NSD3: variants seen among roughly 807,000 people sequenced by gnomAD.
NSD3 encodes the protein nuclear receptor binding SET domain protein 3.
Under a neutral mutation model 160.8 loss-of-function variants are expected in NSD3, and 24 were observed. That is an observed-to-expected ratio of 0.15 (90% CI 0.11 to 0.21). The LOEUF is 0.21. NSD3 is among the 10% of genes least tolerant of loss of function. The pLI, the probability that NSD3 is intolerant of heterozygous loss-of-function variation, is 1.00. For synonymous variants in NSD3, 520 were observed against 600.0 expected, an observed-to-expected ratio of 0.87 and a Z score of 1.95; for missense variants, 1,157 against 1,735.9, an observed-to-expected ratio of 0.67 and a Z score of 5.93.
Position 38,281,453 on chromosome 8 carries a change from A to AG in NSD3, c.3618+13_3618+14insC. The AG allele has an allele frequency of 7.2e-7, 1 of 1,382,836 alleles. No individual in the cohort carries two copies. Among genetic ancestry groups the AG allele is most frequent in the Non-Finnish European group, 9.6e-7 (1 of 1,039,736 alleles). The allele number at this position is 1,382,836 out of a possible 1,614,324, so 85.7% of individuals were successfully genotyped here. On this transcript the variant is annotated intron_variant, in intron 20 of 23. Coordinates refer to ENST00000317025, the MANE Select transcript of NSD3 (RefSeq NM_023034.2). ...CAAATCCCTTTTTCTTACAAAAAAA[A>AG]AAAGCAATTTTACCTTGGTAACAGT...
At chr8:38,323,326 G>A (rs1809835686) in intron 7 of NSD3, among the ~76,000 whole-genome samples, 1 of 152,062 alleles carries the variant, frequency 6.6e-6, no homozygotes, top group African/African-American at 2.4e-5. Flanking sequence ...AAACTGCTGG[G>A]ATTACAGGTG....
intron 1 of NSD3, among the ~76,000 whole-genome samples, chr8:38,356,940 G>A (rs1410530439): frequency 1.3e-5 from 2 of 151,292 alleles, no homozygotes; most frequent in Non-Finnish European, 2.9e-5. Context: ...CTAATATGGC[G>A]AAACCCCGTC....
Position 38,329,966 on chromosome 8 carries a change from T to C in NSD3, c.1066-73A>G. ...CATTAAAATTGATATGTATTTCCCA[T>C]GTGATCCTGTTATCTTTTCAGGTCT... On this transcript the variant is annotated intron_variant, in intron 5 of 23. Coordinates refer to ENST00000317025, the MANE Select transcript of NSD3 (RefSeq NM_023034.2). This position sits in a 1 kb window ranked among gnomAD's most constrained non-coding sequence, Gnocchi z 4.8. 19 of 1,481,528 alleles carry C rather than the reference T, an allele frequency of 1.3e-5. No homozygotes were observed. The highest frequency in any genetic ancestry group is 1.6e-5 in the Non-Finnish European group (18 of 1,117,192). 91.8% of individuals were successfully genotyped at this position (1,481,528 alleles called of 1,614,324 possible).
At chr8:38,340,489 CA>C in intron 2 of NSD3, among the ~76,000 whole-genome samples, 1 of 152,222 alleles carries the variant, frequency 6.6e-6, no homozygotes, top group South Asian at 2.1e-4. Context: ...AGGCCCGCAC[CA>C]CCACACCCAG....
intron 14 of NSD3, among the ~76,000 whole-genome samples, chr8:38,301,153 T>C (rs1809266938): frequency 6.6e-6 from 1 of 152,102 alleles, no homozygotes; most frequent in Non-Finnish European, 1.5e-5. Context: ...GATTTTTTTG[T>C]AGAAACGAGG....
chr8:38,315,626 A>G (rs1213079976), intron 10 of NSD3, 82 bp from the exon 11 acceptor site: 4 of 1,555,004 alleles, frequency 2.6e-6, no homozygotes, highest in East Asian at 4.5e-5. Flanking sequence ...TCCTAGTAAG[A>G]CTTGCTCAAA....
intron 15 of NSD3, among the ~76,000 whole-genome samples, chr8:38,296,370 G>T (rs1809138886): frequency 6.6e-6 from 1 of 152,166 alleles, no homozygotes; most frequent in Non-Finnish European, 1.5e-5. Context: ...AGTCATCGTT[G>T]TATTTTAATC....
At chr8:38,276,534 T>C in intron 22 of NSD3, 34 bp from the exon 23 acceptor site, 1 of 1,610,560 alleles carries the variant, frequency 6.2e-7, no homozygotes, top group Non-Finnish European at 8.5e-7. Context: ...GTTTCAAACA[T>C]CACAGACAGT....
Position 38,317,924 on chromosome 8 carries a change from T to C in NSD3, c.1855+971A>G. On this transcript the variant is annotated intron_variant, in intron 9 of 23. Coordinates refer to ENST00000317025, the MANE Select transcript of NSD3 (RefSeq NM_023034.2). The surrounding 1 kb of genome is among the most constrained non-coding windows in gnomAD (Gnocchi z 5.3). ...AAATCTTGCATGGAGACTACAAGTC[T>C]GGAGTTTCTGGGATGAAATTGTACA... 4.3e-6 allele frequency: 7 copies of C among 1,614,092 alleles called. No homozygotes were observed. Among genetic ancestry groups the C allele is most frequent in the Non-Finnish European group, 5.1e-6 (6 of 1,179,994 alleles).
intron 2 of NSD3, among the ~76,000 whole-genome samples, chr8:38,344,686 A>G (rs1585907338): frequency 1.3e-5 from 2 of 152,262 alleles, no homozygotes; most frequent in South Asian, 2.1e-4. Context: ...GAAAAAATCT[A>G]TATAAAAGCA....
In NSD3 at chr8:38,322,433, C is replaced by G. The variant is rs187434784; in HGVS notation, c.1709-1261G>C. Among the ~76,000 whole-genome samples, 149 of 152,176 alleles carry G rather than the reference C, an allele frequency of 9.8e-4. 1 individual carries two copies. The highest frequency in any genetic ancestry group is 3.4e-3 in the Middle Eastern group (1 of 294). On this transcript the variant is annotated intron_variant, in intron 7 of 23. Coordinates refer to ENST00000317025, the MANE Select transcript of NSD3 (RefSeq NM_023034.2). ...ACCCTCCCAGACCAACCTGAGGATCCGAGATCCATACTTTAGTATTAAAGT... is the reference window on the plus strand; with the variant it reads ...ACCCTCCCAGACCAACCTGAGGATCGGAGATCCATACTTTAGTATTAAAGT...
At chr8:38,296,656 T>TTC (rs377428661) in intron 15 of NSD3, among the ~76,000 whole-genome samples, 3 of 142,436 alleles carry the variant, frequency 2.1e-5, no homozygotes, top group South Asian at 4.7e-4. Flanking sequence ...AAACCTCTCT[T>TTC]TCTCTCTCTC....
At chr8:38,326,934 C>T (rs1475392745) in intron 6 of NSD3, 78 bp from the exon 7 acceptor site, 23 of 1,487,912 alleles carry the variant, frequency 1.5e-5, no homozygotes, top group Non-Finnish European at 2.1e-5. Context: ...ATAAAGATGG[C>T]TTAAAATGAT....
In NSD3 at chr8:38,273,046, T is replaced by C. The variant is rs1808521953; in HGVS notation, c.*2595A>G. ...TCAGAACTATGGTTACCTTTTTTTT[T>C]TGAGATGGAGTCTCGCTCTGTCACC... On this transcript the variant is annotated 3_prime_UTR_variant, in exon 24 of 24. Coordinates refer to ENST00000317025, the MANE Select transcript of NSD3 (RefSeq NM_023034.2). The C allele has an allele frequency of 6.6e-6, 1 of 152,336 alleles. No homozygotes were observed. Among genetic ancestry groups the C allele is most frequent in the African/African-American group, 2.4e-5 (1 of 41,440 alleles). 9.4% of individuals were successfully genotyped at this position (152,336 alleles called of 1,614,324 possible).
intron 12 of NSD3, among the ~76,000 whole-genome samples, chr8:38,306,096 T>C (rs573391175): frequency 3.4e-4 from 52 of 152,066 alleles, no homozygotes; most frequent in Non-Finnish European, 6.9e-4. Context: ...AAATCAACAT[T>C]CGCCAGGGAG....
In NSD3 at chr8:38,299,510, G is replaced by A; in HGVS notation, c.2692C>T (p.Arg898Cys). 1 of 1,613,800 alleles carries A rather than the reference G, an allele frequency of 6.2e-7. No homozygotes were observed. The highest frequency in any genetic ancestry group is 1.1e-5 in the South Asian group (1 of 90,990). Residue 898 changes from arginine (R) to cysteine (C), a missense_variant, in exon 15 of 24, where the codon CGT becomes TGT. Coordinates refer to ENST00000317025, the MANE Select transcript of NSD3 (RefSeq NM_023034.2). ...ATAGGTAATTTCATCAACTCAGCAC[G>A]ATTTGATTCATTCAGTAGGTAGTGG... Reference protein sequence around the residue: ...KSHYLLNESNRAELMKLPMIP... With the variant: ...KSHYLLNESNCAELMKLPMIP...
Position 38,290,562 on chromosome 8 carries a change from C to T in NSD3, c.3031G>A (p.Val1011Ile), listed in dbSNP as rs753044635. 1.2e-6 allele frequency: 2 copies of T among 1,614,140 alleles called. No individual in the cohort carries two copies. Among genetic ancestry groups the T allele is most frequent in the South Asian group, 1.1e-5 (1 of 91,090 alleles). The change falls in exon 17 of 24, where the codon GTA (valine) becomes ATA (isoleucine). Residue 1011 changes from valine (V) to isoleucine (I), a missense_variant. Transcript: ENST00000317025. Reference protein sequence around the residue: ...FFFGSHDYYWVHQGRVFPYVE... With the variant: ...FFFGSHDYYWIHQGRVFPYVE... ...TAAGGGAACACTCTGCCCTGGTGTA[C>T]CCAGTAGTAGTCATGAGAACCAAAG...
At chr8:38,333,275 A>C (rs1296823463) in intron 4 of NSD3, among the ~76,000 whole-genome samples, 1 of 152,200 alleles carries the variant, frequency 6.6e-6, no homozygotes, top group African/African-American at 2.4e-5. Context: ...CCATTAAATC[A>C]TTTACTAGAG....
At chr8:38,300,287 G>A (rs753834136) in intron 14 of NSD3, among the ~76,000 whole-genome samples, 5 of 151,932 alleles carry the variant, frequency 3.3e-5, no homozygotes, top group South Asian at 2.1e-4. Context: ...TCAGCCTCCC[G>A]AGTAGCTGGG....
Sources: gnomAD v4.1 joint callset for allele counts (sites outside exome capture counted in the v4.1 genomes callset) on GRCh38, gnomAD v4.1.1 for gene constraint, Gnocchi (gnomAD v3.1) non-coding constraint, MANE v1.5 for transcripts, NCBI Gene and HGNC (gene_info 2026-07-23, HGNC 2026-07-21) for gene names.